The following WWP2 variants were observed in gnomAD, a reference collection of about 807,000 sequenced individuals.
The protein encoded by WWP2 is WW domain containing E3 ubiquitin protein ligase 2.
WWP2 carries 57 observed loss-of-function variants against 121.0 expected under a neutral mutation model. The observed-to-expected ratio is 0.47, with a 90% CI of 0.38 to 0.59. WWP2 has a LOEUF of 0.59. Among genes scored for constraint, WWP2 ranks in the 20% least tolerant of loss-of-function variants. WWP2 has a pLI of 0.00. For synonymous variants in WWP2, 449 were observed against 441.3 expected, an observed-to-expected ratio of 1.02 and a Z score of -0.22; for missense variants, 962 against 1,158.9, an observed-to-expected ratio of 0.83 and a Z score of 2.47.
intron 7 of WWP2, among the ~76,000 whole-genome samples, chr16:69,876,080 C>G (rs2057730438): frequency 6.6e-6 from 1 of 152,096 alleles, no homozygotes; most frequent in African/African-American, 2.4e-5. Flanking sequence ...ACCTCAGTCC[C>G]AGGAGTAGCT....
rs1336372504 is a variant in WWP2 at position 69,806,959 on chromosome 16, TTC to T, written c.340+7665_340+7666del. Among the ~76,000 whole-genome samples, 197 of 148,402 alleles carry T rather than the reference TTC, an allele frequency of 1.3e-3. 1 individual carries two copies. Among genetic ancestry groups the T allele is most frequent in the African/African-American group, 4.6e-3 (183 of 39,492 alleles). On this transcript the variant is annotated intron_variant, in intron 4 of 23. Coordinates refer to ENST00000359154, the MANE Select transcript of WWP2 (RefSeq NM_001270454.2). ...TTTTATTTATTTATTTATTTATTCA[TTC>T]ATTCATTCATTCATTCATTCATTCA...
intron 1 of WWP2, among the ~76,000 whole-genome samples, chr16:69,769,394 A>T (rs2055366852): frequency 6.6e-6 from 1 of 152,072 alleles, no homozygotes; most frequent in Non-Finnish European, 1.5e-5. Context: ...CTGTTTCTAC[A>T]GCTGGTTAAT....
chr16:69,812,613 C>G (rs1233363706), intron 4 of WWP2, among the ~76,000 whole-genome samples: 1 of 151,648 alleles, frequency 6.6e-6, no homozygotes, highest in African/African-American at 2.4e-5. Context: ...TAGTTGAGAC[C>G]ACAGATATGT....
intron 7 of WWP2, among the ~76,000 whole-genome samples, 153 bp from the exon 8 acceptor site, chr16:69,887,886 A>C (rs895894330): frequency 6.6e-6 from 1 of 152,208 alleles, no homozygotes; most frequent in African/African-American, 2.4e-5. Context: ...TGTACTTTTC[A>C]AAGTCATGTT....
intron 1 of WWP2, among the ~76,000 whole-genome samples, chr16:69,764,966 G>A (rs1230502915): frequency 2.6e-5 from 4 of 152,182 alleles, no homozygotes; most frequent in Non-Finnish European, 5.9e-5. Flanking sequence ...CACTTTGGGA[G>A]GTCAAGGTGG....
intron 4 of WWP2, among the ~76,000 whole-genome samples, chr16:69,827,049 C>G (rs1597011463): frequency 6.6e-6 from 1 of 151,682 alleles, no homozygotes; most frequent in East Asian, 1.9e-4. Flanking sequence ...ATCTTTAGCT[C>G]CCATCTTTTG....
chr16:69,901,844 G>C (rs1015190703), intron 8 of WWP2, among the ~76,000 whole-genome samples: 2 of 152,088 alleles, frequency 1.3e-5, no homozygotes, highest in Non-Finnish European at 2.9e-5. Context: ...CCAGCTACTC[G>C]GGAGGCTGAG....
chr16:69,928,809 C>T (rs1310126390), intron 11 of WWP2, among the ~76,000 whole-genome samples: 9 of 152,080 alleles, frequency 5.9e-5, no homozygotes, highest in African/African-American at 2.2e-4. Context: ...GTCCTCAGCC[C>T]CAGATATCAT....
chr16:69,877,528 G>A (rs1213338541), intron 7 of WWP2, among the ~76,000 whole-genome samples: 1 of 152,162 alleles, frequency 6.6e-6, no homozygotes, highest in African/African-American at 2.4e-5. Context: ...CATCAGAGTA[G>A]CACTTTTAAT....
At chr16:69,778,094 C>G (rs971777366) in intron 1 of WWP2, among the ~76,000 whole-genome samples, 2 of 121,118 alleles carry the variant, frequency 1.7e-5, no homozygotes, top group Non-Finnish European at 3.4e-5. Context: ...TATATATACA[C>G]ACACACACAC....
intron 6 of WWP2, among the ~76,000 whole-genome samples, chr16:69,847,790 T>G (rs546509057): frequency 6.6e-6 from 1 of 152,148 alleles, no homozygotes; most frequent in Non-Finnish European, 1.5e-5. Flanking sequence ...AATTTATTCA[T>G]GAGGGATCCA....
intron 8 of WWP2, among the ~76,000 whole-genome samples, chr16:69,899,865 C>T (rs188762699): frequency 3.5e-4 from 53 of 150,034 alleles, no homozygotes; most frequent in Admixed American, 1.2e-3. Context: ...TGATGAAAAA[C>T]AATATATAAT....
intron 9 of WWP2, among the ~76,000 whole-genome samples, chr16:69,917,168 A>G (rs2058490443): frequency 6.6e-6 from 1 of 152,242 alleles, no homozygotes; most frequent in Admixed American, 6.5e-5. Context: ...ATGTAACTGA[A>G]AATTCTAGAT....
chr16:69,937,723 C>G lies in WWP2; in HGVS notation c.2343+71C>G. 6.8e-7 allele frequency: 1 copy of G among 1,478,272 alleles called. No individual in the cohort carries two copies. The highest frequency in any genetic ancestry group is 1.8e-5 in the Admixed American group (1 of 55,358). The allele number at this position is 1,478,272 out of a possible 1,614,324, so 91.6% of individuals were successfully genotyped here. A position where few individuals can be genotyped will look rare whatever the true frequency, so the allele number is the denominator to read the frequency against. On this transcript the variant is annotated intron_variant, in intron 21 of 23. Coordinates refer to ENST00000359154, the MANE Select transcript of WWP2 (RefSeq NM_001270454.2). This position sits in a 1 kb window ranked among gnomAD's most constrained non-coding sequence, Gnocchi z 6.6. ...CCAAAGGAAACGGGTCCTGAGGAGG[C>G]CTCACGCGCAAGGACCTTCAGCTTT...
chr16:69,930,204 A>G lies in WWP2; in HGVS notation c.1391A>G (p.Asp464Gly). ...AGCGAGGGGGTGCGATACTTTGTGG[A>G]CCACAATACCCGCACCACCACCTTT... ...YTSEGVRYFV[D>G]HNTRTTTFKD... The change falls in exon 13 of 24, where the codon GAC becomes GGC. Residue 464 changes from aspartate (D) to glycine (G), a missense_variant. This residue lies in a region of WWP2 where 606 missense variants were observed against 772.6 expected (regional missense o/e 0.78). Coordinates refer to ENST00000359154, the MANE Select transcript of WWP2 (RefSeq NM_001270454.2). 6.2e-7 allele frequency: 1 copy of G among 1,614,036 alleles called. No individual in the cohort carries two copies. Among genetic ancestry groups the G allele is most frequent in the Non-Finnish European group, 8.5e-7 (1 of 1,179,966 alleles).
intron 1 of WWP2, among the ~76,000 whole-genome samples, chr16:69,764,710 A>G (rs1567650381): frequency 6.6e-6 from 1 of 152,222 alleles, no homozygotes; most frequent in Admixed American, 6.5e-5. Context: ...TGTAGAGTCC[A>G]GTATGGTGTA....
At chr16:69,776,936 C>G (rs1009900466) in intron 1 of WWP2, among the ~76,000 whole-genome samples, 8 of 151,938 alleles carry the variant, frequency 5.3e-5, no homozygotes, top group Non-Finnish European at 1.0e-4. Flanking sequence ...TTTGTTTAAT[C>G]TAAAACCCTA....
At position 69,843,935 on chromosome 16, in the gene WWP2, A is replaced by G. The variant is rs376536260; in HGVS notation, c.575+1815A>G. 5.3e-5 allele frequency among the ~76,000 whole-genome samples: 8 copies of G among 152,232 alleles called. No individual in the cohort carries two copies. In the East Asian group the frequency reaches 1.2e-3, roughly 22 times the overall value. Reference sequence around the variant, plus strand: ...ATAATGCTTTGAAAAATGGAATATGATTTTAGCCAATACCCGCAGCATCTT... The same window carrying G: ...ATAATGCTTTGAAAAATGGAATATGGTTTTAGCCAATACCCGCAGCATCTT... On this transcript the variant is annotated intron_variant, in intron 6 of 23. Transcript: ENST00000359154.
At chr16:69,887,920 C>T (rs2057953529) in intron 7 of WWP2, 119 bp from the exon 8 acceptor site, 3 of 1,231,778 alleles carry the variant, frequency 2.4e-6, no homozygotes, top group African/African-American at 3.0e-5. Context: ...TGCTGTCGCC[C>T]AATACATGTA....
Sources: gnomAD v4.1 joint callset for allele counts (sites outside exome capture counted in the v4.1 genomes callset) on GRCh38, gnomAD v4.1.1 for gene constraint, gnomAD v4.1.1 regional missense constraint, Gnocchi (gnomAD v3.1) non-coding constraint, MANE v1.5 for transcripts, NCBI Gene and HGNC (gene_info 2026-07-23, HGNC 2026-07-21) for gene names.